Variants in LRP1 observed in about 807,000 individuals in gnomAD.
LRP1 encodes the protein prolow-density lipoprotein receptor-related protein 1.
LRP1 carries 51 observed loss-of-function variants against 541.5 expected under a neutral mutation model. The ratio of observed to expected loss-of-function variants is 0.09; its 90% CI spans 0.08 to 0.12. LRP1 has a LOEUF of 0.12. Among genes scored for constraint, LRP1 ranks in the 10% least tolerant of loss-of-function variants. The probability of loss-of-function intolerance (pLI) is 1.00; values close to 1 mark genes in which losing one functional copy is unlikely to be tolerated. For missense variants in LRP1, 3,878 were observed against 6,376.2 expected, an observed-to-expected ratio of 0.61 and a Z score of 13.34; for synonymous variants, 2,219 against 2,470.8, an observed-to-expected ratio of 0.90 and a Z score of 3.02.
chr12:57,174,716 C>T (rs112199490), intron 22 of LRP1, among the ~76,000 whole-genome samples: 1 of 152,260 alleles, frequency 6.6e-6, no homozygotes, highest in East Asian at 1.9e-4. Context: ...AGTGAGCCAA[C>T]ATCCTGCCAC....
chr12:57,204,798 T>C lies in LRP1; in HGVS notation c.11194+49T>C, dbSNP rs200569290. 5 of 1,606,020 alleles carry C rather than the reference T, an allele frequency of 3.1e-6. No individual in the cohort carries two copies. Among genetic ancestry groups the C allele is most frequent in the African/African-American group, 1.3e-5 (1 of 74,882 alleles). On this transcript the variant is annotated intron_variant, in intron 72 of 88. Coordinates refer to ENST00000243077, the MANE Select transcript of LRP1 (RefSeq NM_002332.3). The surrounding 1 kb of genome is among the most constrained non-coding windows in gnomAD (Gnocchi z 5.3). ...CCTGCAGGGGACGGGTAGTGCACAG[T>C]GGGGTGAGTCTGGTCCTCGTGGGAG...
At chr12:57,176,359 G>T (rs1455593444) in intron 24 of LRP1, among the ~76,000 whole-genome samples, 1 of 152,248 alleles carries the variant, frequency 6.6e-6, no homozygotes, top group East Asian at 1.9e-4. Context: ...CTGCTCCCCA[G>T]ATCTAGAATT....
intron 12 of LRP1, among the ~76,000 whole-genome samples, 167 bp downstream of exon 12, chr12:57,160,172 G>T (rs1173942969): frequency 1.3e-5 from 2 of 152,066 alleles, no homozygotes; most frequent in African/African-American, 4.8e-5. Flanking sequence ...AGGGAAATGG[G>T]AGTGATTCCT....
chr12:57,167,087 G>A (rs754821815), intron 18 of LRP1, 41 bp downstream of exon 18: 1 of 1,550,490 alleles, frequency 6.4e-7, no homozygotes, highest in South Asian at 1.1e-5. Context: ...GGGCCTGGGG[G>A]AGGGGCATCC....
Position 57,202,429 on chromosome 12 carries a change from A to G in LRP1, c.10603A>G (p.Thr3535Ala). ...ACACTTGCCTCCTCCAGATGAACGC[A>G]CCTGTGAGCCATACCAGTTCCGCTG... ...DEPKEECDER[T>A]CEPYQFRCKN... Residue 3535 changes from threonine (T) to alanine (A), a missense_variant, in exon 68 of 89, where the codon ACC (threonine) becomes GCC (alanine). Physicochemically the swap from Thr to Ala is moderately conservative, Grantham distance 58. Around this residue, in one of 13 missense-constraint regions of LRP1, gnomAD observed 278 missense variants for 536.3 expected, o/e 0.52. Transcript: ENST00000243077. The G allele has an allele frequency of 6.2e-7, 1 of 1,612,640 alleles. No homozygotes were observed. The highest frequency in any genetic ancestry group is 1.1e-5 in the South Asian group (1 of 91,058).
At chr12:57,138,103 A>T (rs2035211855) in intron 1 of LRP1, among the ~76,000 whole-genome samples, 1 of 152,048 alleles carries the variant, frequency 6.6e-6, no homozygotes, top group African/African-American at 2.4e-5. Flanking sequence ...CAAGGCCTAA[A>T]TGCACCCCCC....
chr12:57,212,879 A>C lies in LRP1; in HGVS notation c.*324A>C. The stretch of plus-strand genomic sequence containing the variant: ...TGGTGCAGCCTTCCCCTCCCTGTAT[A>C]AGACACTTTGCCAAGGCTCTCCCCT... On this transcript the variant is annotated 3_prime_UTR_variant, in exon 89 of 89. Coordinates refer to ENST00000243077, the MANE Select transcript of LRP1 (RefSeq NM_002332.3). This position sits in a 1 kb window ranked among gnomAD's most constrained non-coding sequence, Gnocchi z 5.0. The C allele has an allele frequency of 3.8e-6, 1 of 260,496 alleles. No homozygotes were observed. Among genetic ancestry groups the C allele is most frequent in the Non-Finnish European group, 7.3e-6 (1 of 136,524 alleles). 16.1% of individuals were successfully genotyped at this position (260,496 alleles called of 1,614,324 possible). A position where few individuals can be genotyped will look rare whatever the true frequency, so the allele number is the denominator to read the frequency against.
Position 57,194,988 on chromosome 12 carries a change from A to C in LRP1, c.8195A>C (p.Lys2732Thr). ...CTGTGGCTTCTGACTGCCCCAGACAAGTTCTGCTCAGAGGCCCAGTTTGAG... is the reference window on the plus strand; with the variant it reads ...CTGTGGCTTCTGACTGCCCCAGACACGTTCTGCTCAGAGGCCCAGTTTGAG... ...EHGEDETHCN[K>T]FCSEAQFECQ... is the part of the protein sequence containing the mutation. The change falls in exon 51 of 89, where the codon AAG becomes ACG. Residue 2732 changes from lysine to threonine, a missense_variant. By Grantham distance (78) the Lys-to-Thr change is moderately conservative. Transcript: ENST00000243077. The C allele has an allele frequency of 6.2e-7, 1 of 1,613,032 alleles. No homozygotes were observed. Among genetic ancestry groups the C allele is most frequent in the East Asian group, 2.2e-5 (1 of 44,812 alleles).
rs747436295 is a variant in LRP1 at position 57,210,338 on chromosome 12, C to T, written c.12612C>T (p.Cys4204=). Residue 4204 remains cysteine (C), a synonymous_variant, in exon 82 of 89, where the codon TGC becomes TGT. Coordinates refer to ENST00000243077, the MANE Select transcript of LRP1 (RefSeq NM_002332.3). ...APRPGTCNLQ[C]FNGGSCFLNA... Reference sequence around the variant, plus strand: ...GGCCTGGAACCTGTAACCTGCAGTGCTTCAACGGTGGCAGCTGTTTCCTCA... The same window carrying T: ...GGCCTGGAACCTGTAACCTGCAGTGTTTCAACGGTGGCAGCTGTTTCCTCA... 13 of 1,582,480 alleles carry T rather than the reference C, an allele frequency of 8.2e-6. No individual in the cohort carries two copies. Among genetic ancestry groups the T allele is most frequent in the South Asian group, 1.2e-5 (1 of 85,340 alleles).
chr12:57,202,638 C>T, intron 68 of LRP1, 101 bp downstream of exon 68: 1 of 935,008 alleles, frequency 1.1e-6, no homozygotes, highest in Non-Finnish European at 1.7e-6. Context: ...GTGGCCACCT[C>T]CCAGGGTGGG....
At chr12:57,136,522 C>A (rs2035173795) in intron 1 of LRP1, among the ~76,000 whole-genome samples, 2 of 152,166 alleles carry the variant, frequency 1.3e-5, no homozygotes, top group Admixed American at 6.5e-5. Context: ...CTCCTTGGCA[C>A]CCTGATGCCT....
chr12:57,179,880 C>T lies in LRP1; in HGVS notation c.5065C>T (p.Leu1689=). 6.2e-7 allele frequency: 1 copy of T among 1,614,168 alleles called. No homozygotes were observed. Among genetic ancestry groups the T allele is most frequent in the Non-Finnish European group, 8.5e-7 (1 of 1,180,042 alleles). ...TAAGAAGCAGATCAATGTGGCCCGG[C>T]TGGATGGCTCCTTCAAGAACGCAGT... ...TNKKQINVAR[L]DGSFKNAVVQ... Residue 1689 remains leucine, a synonymous_variant, in exon 30 of 89, where the codon CTG becomes TTG. Coordinates refer to ENST00000243077, the MANE Select transcript of LRP1 (RefSeq NM_002332.3). This position sits in a 1 kb window ranked among gnomAD's most constrained non-coding sequence, Gnocchi z 6.8.
At chr12:57,208,864 C>T in intron 78 of LRP1, 47 bp downstream of exon 78, 3 of 1,462,656 alleles carry the variant, frequency 2.1e-6, no homozygotes, top group Non-Finnish European at 2.9e-6. Context: ...GGGGGCCCGG[C>T]TCGCAGAGCC....
Position 57,162,154 on chromosome 12 carries a change from C to G in LRP1, c.2203-163C>G, listed in dbSNP as rs998928861. Among the ~76,000 whole-genome samples, 1 of 152,088 alleles carries G rather than the reference C, an allele frequency of 6.6e-6. No individual in the cohort carries two copies. Among genetic ancestry groups the G allele is most frequent in the Non-Finnish European group, 1.5e-5 (1 of 68,002 alleles). Reference sequence around the variant, plus strand: ...CCCGCTGGCTTCAGGATCTACCATCCCACTGTGTGCAAAACTATCACTCTC... The same window carrying G: ...CCCGCTGGCTTCAGGATCTACCATCGCACTGTGTGCAAAACTATCACTCTC... On this transcript the variant is annotated intron_variant, in intron 13 of 88. Transcript: ENST00000243077. This position sits in a 1 kb window ranked among gnomAD's most constrained non-coding sequence, Gnocchi z 5.2.
In LRP1 at chr12:57,194,602, G is replaced by C. The variant is rs756170375; in HGVS notation, c.8094G>C (p.Leu2698=). The change falls in exon 50 of 89, where the codon CTG becomes CTC. Residue 2698 remains leucine, a synonymous_variant. Transcript: ENST00000243077. ...GTGTGAAACGCCCCAGATGCCCTCT[G>C]AATTACTTCGCCTGCCCTAGTGGGC... ...CPGVKRPRCP[L]NYFACPSGRC... is the part of the protein sequence containing the mutation. 1.2e-6 allele frequency: 2 copies of C among 1,612,098 alleles called. No homozygotes were observed. The highest frequency in any genetic ancestry group is 1.7e-4 in the Middle Eastern group (1 of 6,058).
chr12:57,176,678 G>C lies in LRP1; in HGVS notation c.3992-363G>C, dbSNP rs184172451. Among the ~76,000 whole-genome samples, 6 of 152,314 alleles carry C rather than the reference G, an allele frequency of 3.9e-5. No individual in the cohort carries two copies. In the East Asian group the frequency reaches 1.2e-3, roughly 29 times the overall value. On this transcript the variant is annotated intron_variant, in intron 24 of 88. Transcript: ENST00000243077. ...ACCATTACAAATGTCCATCAACGAG[G>C]GGGGAGGCTAAGTAAACTGTGATGA...
In LRP1 at chr12:57,210,020, T is replaced by C; in HGVS notation, c.12440-9T>C. ...CTCAGCATCCTCCCCACCCCACCCA[T>C]ACCTGCAGTGACCAACCCATGTGAC... On this transcript the variant is annotated splice_polypyrimidine_tract_variant and intron_variant, in intron 80 of 88. Transcript: ENST00000243077. 1.2e-6 allele frequency: 2 copies of C among 1,602,436 alleles called. No individual in the cohort carries two copies. Among genetic ancestry groups the C allele is most frequent in the African/African-American group, 1.3e-5 (1 of 74,904 alleles).
intron 44 of LRP1, 66 bp from the exon 45 acceptor site, chr12:57,192,779 T>C: frequency 6.2e-7 from 1 of 1,601,950 alleles, no homozygotes; most frequent in Non-Finnish European, 8.5e-7. Context: ...AATGGGTGGG[T>C]GCACTCTGGG....
chr12:57,170,275 C>T (rs1052070619), intron 20 of LRP1, among the ~76,000 whole-genome samples: 3 of 152,226 alleles, frequency 2.0e-5, no homozygotes, highest in Admixed American at 6.5e-5. Context: ...TGCAAAGACA[C>T]TATTTCCAAA....
Sources: gnomAD v4.1 joint callset for allele counts (sites outside exome capture counted in the v4.1 genomes callset) on GRCh38, gnomAD v4.1.1 for gene constraint, gnomAD v4.1.1 regional missense constraint, Gnocchi (gnomAD v3.1) non-coding constraint, MANE v1.5 for transcripts, NCBI Gene and HGNC (gene_info 2026-07-23, HGNC 2026-07-21) for gene names.